Variants in TC2N observed in about 807,000 individuals in gnomAD.
The protein encoded by TC2N is tandem C2 domains nuclear protein.
A neutral mutation model predicts 61.9 loss-of-function variants in TC2N; 51 were observed. The observed-to-expected ratio is 0.82, with a 90% confidence interval of 0.66 to 1.04. The LOEUF is 1.04. Among genes scored for constraint, TC2N ranks in the 50% least tolerant of loss-of-function variants. TC2N has a pLI of 0.00. For synonymous variants in TC2N, 204 were observed against 192.6 expected, an observed-to-expected ratio of 1.06 and a Z score of -0.49; for missense variants, 556 against 566.7, an observed-to-expected ratio of 0.98 and a Z score of 0.19.
intron 1 of TC2N, among the ~76,000 whole-genome samples, chr14:91,824,861 G>A (rs1887419912): frequency 6.6e-6 from 1 of 152,046 alleles, no homozygotes; most frequent in Non-Finnish European, 1.5e-5. Context: ...TCTTGATGGT[G>A]GAGCATTCCA....
intron 1 of TC2N, among the ~76,000 whole-genome samples, chr14:91,828,619 T>G (rs547553618): frequency 6.6e-6 from 1 of 152,066 alleles, no homozygotes; most frequent in Non-Finnish European, 1.5e-5. Context: ...AAATATTTCT[T>G]AAATCTCCTT....
chr14:91,849,277 A>G (rs1313633272), intron 1 of TC2N, among the ~76,000 whole-genome samples: 3 of 152,178 alleles, frequency 2.0e-5, no homozygotes, highest in Admixed American at 2.0e-4. Flanking sequence ...AAGGCGGTCA[A>G]TCAAAATCCT....
Position 91,837,328 on chromosome 14 carries a change from A to G in TC2N, c.-56-23503T>C, listed in dbSNP as rs1025128182. The stretch of plus-strand genomic sequence containing the variant: ...CCTTCGGGGCTGAAGTGATCCTCCC[A>G]CCTCAGCCCCTCCGCCAAGTAGCTG... On this transcript the variant is annotated intron_variant, in intron 1 of 11. Coordinates refer to ENST00000435962, the MANE Select transcript of TC2N (RefSeq NM_001128596.3). This position sits in a 1 kb window ranked among gnomAD's most constrained non-coding sequence, Gnocchi z 4.2. 6.6e-6 allele frequency among the ~76,000 whole-genome samples: 1 copy of G among 152,082 alleles called. No individual in the cohort carries two copies. Among genetic ancestry groups the G allele is most frequent in the South Asian group, 2.1e-4 (1 of 4,818 alleles).
chr14:91,792,552 C>T lies in TC2N; in HGVS notation c.862G>A (p.Glu288Lys). The T allele has an allele frequency of 6.7e-7, 1 of 1,483,690 alleles. No individual in the cohort carries two copies. The highest frequency in any genetic ancestry group is 9.1e-7 in the Non-Finnish European group (1 of 1,096,270). 91.9% of individuals were successfully genotyped at this position (1,483,690 alleles called of 1,614,324 possible). A position where few individuals can be genotyped will look rare whatever the true frequency, so the allele number is the denominator to read the frequency against. Residue 288 changes from glutamate to lysine, a missense_variant, in exon 9 of 12, where the codon GAA becomes AAA. Glu to Lys is a moderately conservative substitution (Grantham distance 56). Transcript: ENST00000435962. The stretch of plus-strand genomic sequence containing the variant: ...GCAAATACAAACGTTTCCATAAATT[C>T]AATAGCCTTAAAAAAAAAACAAGAA... Reference protein sequence around the residue: ...SSAKEGSNAIEFMETFVFAIK... With the variant: ...SSAKEGSNAIKFMETFVFAIK...
intron 1 of TC2N, among the ~76,000 whole-genome samples, chr14:91,860,741 A>C (rs545625598): frequency 2.8e-4 from 42 of 152,308 alleles, no homozygotes; most frequent in African/African-American, 9.4e-4. Flanking sequence ...ATAGCCAAAT[A>C]GCAACTCCAC....
intron 9 of TC2N, among the ~76,000 whole-genome samples, chr14:91,790,105 C>T (rs1457635055): frequency 1.3e-5 from 2 of 152,186 alleles, no homozygotes; most frequent in Non-Finnish European, 1.5e-5. Flanking sequence ...AAGAACAACA[C>T]GGTGATAATT....
At chr14:91,840,589 C>T (rs1351148789) in intron 1 of TC2N, among the ~76,000 whole-genome samples, 1 of 152,184 alleles carries the variant, frequency 6.6e-6, no homozygotes, top group Non-Finnish European at 1.5e-5. Context: ...CTCTTTCATG[C>T]ACTTTGAAGG....
chr14:91,812,675 CT>C, intron 2 of TC2N, 130 bp from the exon 3 acceptor site: 1 of 536,656 alleles, frequency 1.9e-6, no homozygotes, highest in South Asian at 3.1e-5. Flanking sequence ...ACTCTTGGGT[CT>C]TACCAAACAC....
chr14:91,796,486 G>A (rs1885902030), intron 8 of TC2N, among the ~76,000 whole-genome samples: 1 of 152,096 alleles, frequency 6.6e-6, no homozygotes, highest in Non-Finnish European at 1.5e-5. Context: ...CAGCATCTCA[G>A]AATGTGAACT....
intron 1 of TC2N, among the ~76,000 whole-genome samples, chr14:91,842,885 A>G (rs1884841): frequency 0.55 from 82,860 of 151,970 alleles, 22,826 homozygotes; most frequent in Admixed American, 0.59. Flanking sequence ...GGACTTCATC[A>G]TGCACTGTAT....
intron 1 of TC2N, among the ~76,000 whole-genome samples, chr14:91,828,701 T>C (rs1408730420): frequency 2.0e-5 from 3 of 152,096 alleles, no homozygotes; most frequent in East Asian, 3.8e-4. Context: ...TTTATCATAA[T>C]AGGATTTTGC....
chr14:91,815,286 A>C (rs1200580712), intron 1 of TC2N, among the ~76,000 whole-genome samples: 1 of 151,616 alleles, frequency 6.6e-6, no homozygotes, highest in African/African-American at 2.4e-5. Flanking sequence ...CTTCCTCCAG[A>C]TCAATTATTC....
At chr14:91,816,526 G>T (rs560203403) in intron 1 of TC2N, among the ~76,000 whole-genome samples, 5 of 151,812 alleles carry the variant, frequency 3.3e-5, no homozygotes, top group African/African-American at 1.2e-4. Flanking sequence ...TTAACACTTT[G>T]TCCATTATAC....
rs750114377 is a variant in TC2N at position 91,785,302 on chromosome 14, G to A, written c.1222C>T (p.Arg408Cys). The part of the protein sequence containing the change: ...SGELIYKKKT[R>C]LLKASNGRVK... ...CTTCCATTGGAGGCCTTCAGTAAGC[G>A]TGTCTTTTTCTTATAAATCAACTCT... The change falls in exon 11 of 12, where the codon CGC becomes TGC. Residue 408 changes from arginine (R) to cysteine (C), a missense_variant. Coordinates refer to ENST00000435962, the MANE Select transcript of TC2N (RefSeq NM_001128596.3). 14 of 1,613,640 alleles carry A rather than the reference G, an allele frequency of 8.7e-6. No homozygotes were observed. Among genetic ancestry groups the A allele is most frequent in the Middle Eastern group, 3.3e-4 (2 of 6,058 alleles).
chr14:91,834,392 C>T (rs1887915176), intron 1 of TC2N, among the ~76,000 whole-genome samples: 2 of 152,172 alleles, frequency 1.3e-5, no homozygotes, highest in Non-Finnish European at 2.9e-5. Flanking sequence ...TGAAATGATG[C>T]ACTTCGTTTT....
chr14:91,783,340 CT>C, intron 11 of TC2N, 130 bp from the exon 12 acceptor site: 1 of 544,316 alleles, frequency 1.8e-6, no homozygotes, highest in Non-Finnish European at 3.2e-6. Context: ...AAACATCTTT[CT>C]TTTTTCCAAA....
rs915992267 is a variant in TC2N at position 91,791,882 on chromosome 14, C to T, written c.1047+485G>A. Reference sequence around the variant, plus strand: ...CTGTAATCCCAGCACTTTGGGAGACCGAGGCGGGCAGATCACGAGGTCAGG... The same window carrying T: ...CTGTAATCCCAGCACTTTGGGAGACTGAGGCGGGCAGATCACGAGGTCAGG... On this transcript the variant is annotated intron_variant, in intron 9 of 11. Coordinates refer to ENST00000435962, the MANE Select transcript of TC2N (RefSeq NM_001128596.3). Among the ~76,000 whole-genome samples the T allele has an allele frequency of 2.6e-5, 4 of 152,098 alleles. No homozygotes were observed. The South Asian group carries it at 8.3e-4, about 32-fold the overall frequency.
At chr14:91,807,113 T>A (rs977989941) in intron 3 of TC2N, among the ~76,000 whole-genome samples, 1 of 152,174 alleles carries the variant, frequency 6.6e-6, no homozygotes, top group Non-Finnish European at 1.5e-5. Flanking sequence ...GAATTGAGGT[T>A]TGGGAACCTC....
At position 91,792,392 on chromosome 14, in the gene TC2N, T is replaced by A; in HGVS notation, c.1022A>T (p.Asp341Val). The change falls in exon 9 of 12, where the codon GAT becomes GTT. Residue 341 changes from aspartate to valine, a missense_variant. Asp to Val is a radical substitution (Grantham distance 152). Coordinates refer to ENST00000435962, the MANE Select transcript of TC2N (RefSeq NM_001128596.3). ...LSTQEMDYSLDITPPSKISVC... is the reference protein window; with the variant it reads ...LSTQEMDYSLVITPPSKISVC... ...AGAAATTTTTGAAGGTGGTGTTATATCCAAAGAGTAATCCATTTCCTGTGT... is the reference window on the plus strand; with the variant it reads ...AGAAATTTTTGAAGGTGGTGTTATAACCAAAGAGTAATCCATTTCCTGTGT... The A allele has an allele frequency of 1.2e-6, 2 of 1,601,532 alleles. No individual in the cohort carries two copies. Among genetic ancestry groups the A allele is most frequent in the South Asian group, 1.1e-5 (1 of 88,500 alleles).
Sources: gnomAD v4.1 joint callset for allele counts (sites outside exome capture counted in the v4.1 genomes callset) on GRCh38, gnomAD v4.1.1 for gene constraint, Gnocchi (gnomAD v3.1) non-coding constraint, MANE v1.5 for transcripts, NCBI Gene and HGNC (gene_info 2026-07-23, HGNC 2026-07-21) for gene names.